Variants in MTUS1 observed in about 807,000 individuals in gnomAD.
The protein encoded by MTUS1 is microtubule-associated tumor suppressor 1.
MTUS1 carries 109 observed loss-of-function variants against 120.8 expected under a neutral mutation model. The observed-to-expected ratio is 0.90, with a 90% confidence interval of 0.77 to 1.06. The LOEUF (loss-of-function observed/expected upper bound fraction) is 1.06, where lower values mean the gene tolerates loss of function less well. MTUS1 is among the 50% of genes least tolerant of loss of function. The pLI is 0.00. For missense variants in MTUS1, 2,210 were observed against 1,486.3 expected, an observed-to-expected ratio of 1.49 and a Z score of -8.01; for synonymous variants, 737 against 550.5, an observed-to-expected ratio of 1.34 and a Z score of -4.74.
At chr8:17,772,996 T>C (rs576090647) in intron 1 of MTUS1, among the ~76,000 whole-genome samples, 2 of 152,318 alleles carry the variant, frequency 1.3e-5, no homozygotes, top group East Asian at 3.9e-4. Flanking sequence ...TGAACTAAAT[T>C]ATCCTTCCTT....
intron 5 of MTUS1, among the ~76,000 whole-genome samples, chr8:17,713,578 G>A (rs1193875165): frequency 6.6e-6 from 1 of 152,196 alleles, no homozygotes; most frequent in African/African-American, 2.4e-5. Context: ...CACAGACTGT[G>A]CACATATGCC....
intron 1 of MTUS1, among the ~76,000 whole-genome samples, chr8:17,790,277 G>C (rs927187907): frequency 2.5e-4 from 38 of 151,516 alleles, no homozygotes; most frequent in African/African-American, 8.0e-4. Flanking sequence ...GAACCCGGGA[G>C]GCAGAGGTTG....
At chr8:17,677,537 G>A (rs1450134001) in intron 7 of MTUS1, among the ~76,000 whole-genome samples, 1 of 152,144 alleles carries the variant, frequency 6.6e-6, no homozygotes, top group Non-Finnish European at 1.5e-5. Context: ...GAAAAATTGT[G>A]TGAAATCATT....
intron 1 of MTUS1, among the ~76,000 whole-genome samples, chr8:17,798,149 C>A (rs555463030): frequency 2.6e-5 from 4 of 152,094 alleles, no homozygotes; most frequent in Non-Finnish European, 5.9e-5. Context: ...AATAACAGAT[C>A]TGAAAAACAT....
At chr8:17,656,197 T>C (rs901318021) in intron 8 of MTUS1, 132 bp from the exon 9 acceptor site, 2 of 767,260 alleles carry the variant, frequency 2.6e-6, no homozygotes, top group Non-Finnish European at 2.2e-6. Flanking sequence ...CTAGTGACCA[T>C]GTCTTCAAAT....
At chr8:17,654,088 G>A (rs969388700) in intron 10 of MTUS1, 1 of 165,254 alleles carries the variant, frequency 6.1e-6, no homozygotes, top group African/African-American at 2.4e-5. Context: ...AAGACTGTGA[G>A]CGACACTGCC....
At chr8:17,666,100 T>C (rs1201346825) in intron 8 of MTUS1, among the ~76,000 whole-genome samples, 7,689 of 142,806 alleles carry the variant, frequency 0.054, 461 homozygotes, top group East Asian at 0.24. Flanking sequence ...CTTTTTTTTT[T>C]TTTTTTTTTT....
At chr8:17,779,428 A>G (rs17125379) in intron 1 of MTUS1, among the ~76,000 whole-genome samples, 9,047 of 152,280 alleles carry the variant, frequency 0.059, 899 homozygotes, top group African/African-American at 0.21. Flanking sequence ...TTTCCCTGAA[A>G]TGAGGTTGCC....
chr8:17,720,399 G>C (rs2045744843), intron 4 of MTUS1, among the ~76,000 whole-genome samples: 1 of 151,438 alleles, frequency 6.6e-6, no homozygotes, highest in Admixed American at 6.6e-5. Flanking sequence ...CAAGGTTAGT[G>C]CCCTTTTCTG....
At chr8:17,663,822 C>T (rs1014191159) in intron 8 of MTUS1, among the ~76,000 whole-genome samples, 11 of 152,170 alleles carry the variant, frequency 7.2e-5, no homozygotes, top group African/African-American at 2.7e-4. Flanking sequence ...TCTCGAACTC[C>T]TGACCTCAAA....
At chr8:17,655,366 G>A (rs1258192452) in intron 9 of MTUS1, among the ~76,000 whole-genome samples, 2 of 151,442 alleles carry the variant, frequency 1.3e-5, no homozygotes, top group Non-Finnish European at 2.9e-5. Flanking sequence ...TTATTTCTGG[G>A]TAGAAAGAAA....
chr8:17,674,019 A>C (rs1410390398), intron 8 of MTUS1, among the ~76,000 whole-genome samples: 1 of 152,224 alleles, frequency 6.6e-6, no homozygotes, highest in Non-Finnish European at 1.5e-5. Context: ...AATAAGCCCT[A>C]GAATGGTCAG....
intron 6 of MTUS1, among the ~76,000 whole-genome samples, chr8:17,694,645 G>T (rs1167995190): frequency 1.3e-5 from 2 of 152,044 alleles, no homozygotes; most frequent in African/African-American, 2.4e-5. Context: ...TCCAGCCTAG[G>T]CAACAGAGCG....
Position 17,754,254 on chromosome 8 carries a change from T to C in MTUS1, c.1554A>G (p.Ala518=). Residue 518 remains alanine, a synonymous_variant, in exon 2 of 15, where the codon GCA becomes GCG. Transcript: ENST00000693296. ...KNVKAKVMSR[A]VLQPKDAALS... ...AAGCAGCATCTTTGGGCTGCAACAC[T>C]GCTCTAGACATAACTTTTGCTTTGA... is the stretch of plus-strand genomic sequence containing the variant. The C allele has an allele frequency of 1.2e-6, 2 of 1,614,160 alleles. No individual in the cohort carries two copies. The highest frequency in any genetic ancestry group is 1.7e-6 in the Non-Finnish European group (2 of 1,180,028).
At position 17,657,879 on chromosome 8, in the gene MTUS1, G is replaced by A. The variant is rs150688162; in HGVS notation, c.2906-1814C>T. Reference sequence around the variant, plus strand: ...TGTATACATAGGTACATATGTGCACGTATATATGCATACATATGTATGCAT... The same window carrying A: ...TGTATACATAGGTACATATGTGCACATATATATGCATACATATGTATGCAT... On this transcript the variant is annotated intron_variant, in intron 8 of 14. Transcript: ENST00000693296. Among the ~76,000 whole-genome samples the A allele has an allele frequency of 1.6e-4, 24 of 150,072 alleles. 1 individual carries two copies. In the East Asian group the frequency reaches 3.3e-3, roughly 21 times the overall value.
intron 1 of MTUS1, among the ~76,000 whole-genome samples, chr8:17,794,889 A>C (rs1384558686): frequency 2.0e-5 from 3 of 152,170 alleles, no homozygotes; most frequent in African/African-American, 4.8e-5. Context: ...CATTCCGTAA[A>C]GCTAGCCAAG....
chr8:17,700,046 T>C (rs1368363259), intron 6 of MTUS1, among the ~76,000 whole-genome samples: 4 of 152,180 alleles, frequency 2.6e-5, no homozygotes, highest in African/African-American at 7.2e-5. Context: ...AAAAGCATCT[T>C]TGTTATTTTT....
intron 2 of MTUS1, among the ~76,000 whole-genome samples, chr8:17,750,968 G>C (rs1483323476): frequency 6.6e-6 from 1 of 152,192 alleles, no homozygotes; most frequent in Non-Finnish European, 1.5e-5. Flanking sequence ...AGGCAGTCTA[G>C]GGATTCAGTA....
chr8:17,669,075 G>C (rs1255231306), intron 8 of MTUS1, among the ~76,000 whole-genome samples: 2 of 152,154 alleles, frequency 1.3e-5, no homozygotes, highest in African/African-American at 4.8e-5. Flanking sequence ...AAAAATTAAG[G>C]AGCTATTGGC....
Sources: allele counts gnomAD v4.1 joint callset (sites outside exome capture counted in the v4.1 genomes callset), GRCh38; gene constraint gnomAD v4.1.1; transcripts MANE v1.5; gene names NCBI Gene and HGNC (gene_info 2026-07-23, HGNC 2026-07-21).